The following PES1 variants were observed in gnomAD, a reference collection of about 807,000 sequenced individuals.
PES1 encodes pescadillo ribosomal biogenesis factor 1.
A neutral mutation model predicts 77.1 loss-of-function variants in PES1; 31 were observed. That is an observed-to-expected ratio of 0.40 (90% CI 0.30 to 0.54). The LOEUF (loss-of-function observed/expected upper bound fraction) is 0.54, where lower values mean the gene tolerates loss of function less well. PES1 is among the 20% of genes least tolerant of loss of function. The pLI, the probability that PES1 is intolerant of heterozygous loss-of-function variation, is 0.45. For synonymous variants in PES1, 282 were observed against 303.0 expected (o/e 0.93, Z 0.72); for missense variants, 658 against 771.7 (o/e 0.85, Z 1.75).
At chr22:30,592,744 C>CCGAG (rs2087202190), upstream of PES1, among the ~76,000 whole-genome samples, 1 of 152,198 alleles carries the variant, frequency 6.6e-6, no homozygotes, top group Non-Finnish European at 1.5e-5. Flanking sequence ...TTGCAGTGAG[C>CCGAG]CGAGATCTTG....
At chr22:30,578,771 T>TA in intron 14 of PES1, 66 bp downstream of exon 14, 1 of 1,547,054 alleles carries the variant, frequency 6.5e-7, no homozygotes, top group Non-Finnish European at 8.9e-7. Context: ...CCAAGCCACA[T>TA]AAGTTCACCT....
At chr22:30,587,641 C>G (rs1246960655) in intron 3 of PES1, among the ~76,000 whole-genome samples, 2 of 152,304 alleles carry the variant, frequency 1.3e-5, no homozygotes, top group East Asian at 3.9e-4. Flanking sequence ...CACAGATGTC[C>G]CAACTCCACA....
chr22:30,579,993 A>G (rs1186134936), intron 11 of PES1, 58 bp from the exon 12 acceptor site: 1 of 1,611,568 alleles, frequency 6.2e-7, no homozygotes, highest in African/African-American at 1.3e-5. Flanking sequence ...GTCCTGCTGC[A>G]TCGCAGGGCC....
chr22:30,585,389 A>C (rs995882865), intron 4 of PES1: 3 of 469,580 alleles, frequency 6.4e-6, no homozygotes, highest in Non-Finnish European at 1.3e-5. Flanking sequence ...GGACAGAGGC[A>C]TGGGTCACAG....
rs2086974237 is a variant in PES1 at position 30,580,886 on chromosome 22, ATTC to A, written c.912+123_912+125del. 4.3e-6 allele frequency: 5 copies of A among 1,171,132 alleles called. No individual in the cohort carries two copies. In the Admixed American group the frequency reaches 8.5e-5, roughly 20 times the overall value. 72.5% of individuals were successfully genotyped at this position (1,171,132 alleles called of 1,614,324 possible). The stretch of plus-strand genomic sequence containing the variant: ...GTAAACTCTGATGACAATTCAGCCC[ATTC>A]TTCTGCTCAGTTGCTTTGACCATCA... On this transcript the variant is annotated intron_variant, in intron 9 of 14. Transcript: ENST00000354694.
At chr22:30,600,291 T>G (rs540746832) in intron 2 of PES1, among the ~76,000 whole-genome samples, 149 of 152,010 alleles carry the variant, frequency 9.8e-4, no homozygotes, top group African/African-American at 3.5e-3. Flanking sequence ...AAGTTGAGGT[T>G]GTCAGGTTTT....
chr22:30,603,202 C>T (rs903766331), intron 2 of PES1, among the ~76,000 whole-genome samples: 2 of 151,588 alleles, frequency 1.3e-5, no homozygotes, highest in Non-Finnish European at 2.9e-5. Context: ...TGAGCCACTG[C>T]GCCCAGCCAC....
intron 2 of PES1, among the ~76,000 whole-genome samples, chr22:30,597,426 CCAAT>C (rs1280896613): frequency 2.6e-5 from 4 of 151,732 alleles, no homozygotes; most frequent in South Asian, 2.1e-4. Context: ...CGTAAACACA[CCAAT>C]CAGCACCCTG....
At chr22:30,589,888 A>T (rs189566295) in intron 1 of PES1, among the ~76,000 whole-genome samples, 1 of 152,110 alleles carries the variant, frequency 6.6e-6, no homozygotes, top group Non-Finnish European at 1.5e-5. Context: ...TGCCCCATAA[A>T]ATGTTAATAC....
At position 30,588,229 on chromosome 22, in the gene PES1, C is replaced by T. The variant is rs1046291884; in HGVS notation, c.105-55G>A. The T allele has an allele frequency of 7.5e-6, 12 of 1,606,260 alleles. No individual in the cohort carries two copies. The Admixed American group carries it at 2.0e-4, about 27-fold the overall frequency. On this transcript the variant is annotated intron_variant, in intron 2 of 14. Coordinates refer to ENST00000354694, the MANE Select transcript of PES1 (RefSeq NM_014303.4). ...GTTATGTGGGTAAAGGTGGGGAGCACTGGCCACAGCTGGGCCTGGAAAACA... is the reference window on the plus strand; with the variant it reads ...GTTATGTGGGTAAAGGTGGGGAGCATTGGCCACAGCTGGGCCTGGAAAACA...
chr22:30,582,725 G>C (rs547604847), intron 6 of PES1, among the ~76,000 whole-genome samples: 46 of 152,278 alleles, frequency 3.0e-4, no homozygotes, highest in Non-Finnish European at 5.9e-4. Context: ...AGAGCACATA[G>C]GGCCAAGAGA....
chr22:30,603,035 C>T (rs1027648339), intron 2 of PES1, among the ~76,000 whole-genome samples: 5 of 151,954 alleles, frequency 3.3e-5, no homozygotes, highest in African/African-American at 1.2e-4. Flanking sequence ...CTCAGACTCC[C>T]AAGTAGCTGG....
chr22:30,605,437 T>C (rs1390712388), intron 2 of PES1: 1 of 985,162 alleles, frequency 1.0e-6, no homozygotes, highest in African/African-American at 1.7e-5. Flanking sequence ...AGTGACTCTC[T>C]GGAAGGATGC....
chr22:30,593,218 C>G (rs545521582), upstream of PES1, among the ~76,000 whole-genome samples: 1 of 152,168 alleles, frequency 6.6e-6, no homozygotes, highest in Non-Finnish European at 1.5e-5. Flanking sequence ...CGGGCACGGT[C>G]GCTCACACCT....
upstream of PES1, among the ~76,000 whole-genome samples, chr22:30,593,134 A>G (rs2087206883): frequency 6.6e-6 from 1 of 152,174 alleles, no homozygotes; most frequent in Admixed American, 6.5e-5. Flanking sequence ...GTTTTGAACT[A>G]TGTGACTTGC....
At chr22:30,582,044 C>G (rs1476263696) in intron 6 of PES1, among the ~76,000 whole-genome samples, 3 of 152,238 alleles carry the variant, frequency 2.0e-5, no homozygotes, top group Non-Finnish European at 4.4e-5. Flanking sequence ...TCCGACCTGG[C>G]CAGAGCTCCT....
chr22:30,597,064 C>T (rs4820879), intron 2 of PES1, among the ~76,000 whole-genome samples: 13,341 of 152,248 alleles, frequency 0.088, 666 homozygotes, highest in Admixed American at 0.12. Flanking sequence ...ACCGGCGCTG[C>T]GCTCAATTTC....
At chr22:30,604,759 C>G (rs2087411721) in intron 2 of PES1, among the ~76,000 whole-genome samples, 1 of 152,236 alleles carries the variant, frequency 6.6e-6, no homozygotes, top group East Asian at 1.9e-4. Context: ...CTTTCTCATT[C>G]CAAGCTAGTT....
At chr22:30,599,913 A>G in intron 2 of PES1, among the ~76,000 whole-genome samples, 1 of 152,232 alleles carries the variant, frequency 6.6e-6, no homozygotes. Context: ...CAAAAAGAAA[A>G]TGAAAGCAAA....
Sources: allele counts gnomAD v4.1 joint callset (sites outside exome capture counted in the v4.1 genomes callset), GRCh38; gene constraint gnomAD v4.1.1; transcripts MANE v1.5; gene names NCBI Gene and HGNC (gene_info 2026-07-23, HGNC 2026-07-21).